ZEB1: variants seen among roughly 807,000 people sequenced by gnomAD.
ZEB1 encodes the protein zinc finger E-box binding homeobox 1.
ZEB1 carries 21 observed loss-of-function variants against 84.9 expected under a neutral mutation model. The ratio of observed to expected loss-of-function variants is 0.25; its 90% CI spans 0.18 to 0.36. The LOEUF is 0.36. ZEB1 is among the 10% of genes least tolerant of loss of function. The probability of loss-of-function intolerance (pLI) is 1.00; values close to 1 mark genes in which losing one functional copy is unlikely to be tolerated. For missense variants in ZEB1, 1,104 were observed against 1,330.2 expected, an observed-to-expected ratio of 0.83 and a Z score of 2.65; for synonymous variants, 420 against 471.1, an observed-to-expected ratio of 0.89 and a Z score of 1.41.
chr10:31,448,205 T>C (rs377283800), intron 1 of ZEB1, among the ~76,000 whole-genome samples: 3,588 of 130,598 alleles, frequency 0.027, 25 homozygotes, highest in African/African-American at 0.058. Context: ...TTGATCGCAT[T>C]GGCTCCTGAG....
At chr10:31,432,907 A>C (rs940001523) in intron 1 of ZEB1, among the ~76,000 whole-genome samples, 1 of 152,222 alleles carries the variant, frequency 6.6e-6, no homozygotes. Context: ...AATAGAAGGC[A>C]GTTGAATTCT....
At chr10:31,408,621 C>A (rs942409535) in intron 1 of ZEB1, among the ~76,000 whole-genome samples, 5 of 144,986 alleles carry the variant, frequency 3.4e-5, no homozygotes, top group Admixed American at 2.0e-4. Flanking sequence ...CTTTGACAAA[C>A]CTGAGAAAAA....
Position 31,376,192 on chromosome 10 carries a change from G to T in ZEB1, c.58+56900G>T, listed in dbSNP as rs1322639566. Among the ~76,000 whole-genome samples, 4 of 151,804 alleles carry T rather than the reference G, an allele frequency of 2.6e-5. No homozygotes were observed. The East Asian group carries it at 7.7e-4, about 29-fold the overall frequency. On this transcript the variant is annotated intron_variant, in intron 1 of 8. Transcript: ENST00000424869. ...AGACTGATGTGATGCCATAGGTCTT[G>T]CAGGGAATGTAGACATTAAGCAAGT...
chr10:31,392,767 A>T (rs2049983189), intron 1 of ZEB1, among the ~76,000 whole-genome samples: 1 of 151,654 alleles, frequency 6.6e-6, no homozygotes, highest in South Asian at 2.1e-4. Flanking sequence ...AACTTGGAAC[A>T]CTACATATAT....
chr10:31,374,453 A>G (rs1241694930), intron 1 of ZEB1, among the ~76,000 whole-genome samples: 1 of 151,822 alleles, frequency 6.6e-6, no homozygotes, highest in Non-Finnish European at 1.5e-5. Flanking sequence ...TCTGTCTACT[A>G]TGTGTCACCC....
intron 1 of ZEB1, among the ~76,000 whole-genome samples, chr10:31,410,654 G>C (rs1472937059): frequency 6.6e-6 from 1 of 152,044 alleles, no homozygotes; most frequent in Non-Finnish European, 1.5e-5. Flanking sequence ...TTGGTTGGTA[G>C]GCTATTAATT....
In ZEB1 at chr10:31,527,100, G is replaced by A. The variant is rs1312091878; in HGVS notation, c.3214G>A (p.Glu1072Lys). The change falls in exon 9 of 9, where the codon GAA becomes AAA. Residue 1072 changes from glutamate (E) to lysine (K), a missense_variant. This residue lies in a region of ZEB1 where 173 missense variants were observed against 167.0 expected (regional missense o/e 1.04). Coordinates refer to ENST00000424869, the MANE Select transcript of ZEB1 (RefSeq NM_001174096.2). ...TGAGGAAGAGGAGGAGGAGGAGGAAGAAGTGGAAGAAGAAGAGGTAGAAGA... is the reference window on the plus strand; with the variant it reads ...TGAGGAAGAGGAGGAGGAGGAGGAAAAAGTGGAAGAAGAAGAGGTAGAAGA... ...GDEEEEEEEEEVEEEEVEEAE... is the reference protein window; with the variant it reads ...GDEEEEEEEEKVEEEEVEEAE... 1.3e-6 allele frequency: 2 copies of A among 1,597,918 alleles called. No individual in the cohort carries two copies. The highest frequency in any genetic ancestry group is 2.3e-5 in the East Asian group (1 of 43,632).
Position 31,520,592 on chromosome 10 carries a change from G to A in ZEB1, c.1260G>A (p.Ala420=), listed in dbSNP as rs35238902. The change falls in exon 7 of 9, where the codon GCG becomes GCA. Residue 420 remains alanine, a synonymous_variant. Coordinates refer to ENST00000424869, the MANE Select transcript of ZEB1 (RefSeq NM_001174096.2). This position sits in a 1 kb window ranked among gnomAD's most constrained non-coding sequence, Gnocchi z 5.1. The part of the protein sequence containing the change: ...LSDIQNVLKV[A]VDGNVIRQVL... ...ATATTCAGAATGTACTTAAAGTGGC[G>A]GTAGATGGTAATGTAATAAGGCAAG... 3.3e-3 allele frequency: 5,268 copies of A among 1,613,882 alleles called. 128 individuals are homozygous for A. In the African/African-American group the frequency reaches 0.059, roughly 18 times the overall value.
At chr10:31,359,018 C>G (rs937349014) in intron 1 of ZEB1, among the ~76,000 whole-genome samples, 8 of 151,562 alleles carry the variant, frequency 5.3e-5, no homozygotes, top group African/African-American at 1.7e-4. Flanking sequence ...AACTGGTCTT[C>G]TTGTGTCGTT....
At chr10:31,455,953 C>T (rs920932484) in intron 1 of ZEB1, among the ~76,000 whole-genome samples, 3 of 152,184 alleles carry the variant, frequency 2.0e-5, no homozygotes, top group African/African-American at 7.2e-5. Context: ...AAGACACATG[C>T]ACACGTATGT....
rs144924759 is a variant in ZEB1, at chr10:31,367,364, A to G, written c.58+48072A>G. On this transcript the variant is annotated intron_variant, in intron 1 of 8. Transcript: ENST00000424869. ...CTGGGAGTGTGGCCTAGGACTCTAC[A>G]CTTTTACTAACAATCAGTTGAGATG... 4.7e-4 allele frequency among the ~76,000 whole-genome samples: 71 copies of G among 152,244 alleles called. No homozygotes were observed. In the East Asian group the frequency reaches 0.012, roughly 26 times the overall value.
intron 1 of ZEB1, among the ~76,000 whole-genome samples, chr10:31,378,664 C>T (rs1005459945): frequency 6.6e-6 from 1 of 151,652 alleles, no homozygotes; most frequent in Non-Finnish European, 1.5e-5. Context: ...TTGCTTACTG[C>T]GGTGTATTGG....
chr10:31,354,514 C>A (rs1564560661), intron 1 of ZEB1, among the ~76,000 whole-genome samples: 1 of 152,070 alleles, frequency 6.6e-6, no homozygotes, highest in Non-Finnish European at 1.5e-5. Flanking sequence ...TTCCTTTGGG[C>A]CATAGGCACT....
In ZEB1 at chr10:31,360,927, A is replaced by T. The variant is rs766748813; in HGVS notation, c.58+41635A>T. The T allele has an allele frequency of 1.0e-4, 157 of 1,561,958 alleles. 1 individual carries two copies. Among genetic ancestry groups the T allele is most frequent in the Middle Eastern group, 9.2e-4 (4 of 4,370 alleles). ...CAGTACTGCATGGATGCTCTAATAA[A>T]TTGCATGTCTGGAGGAAGCAGCTAA... On this transcript the variant is annotated intron_variant, in intron 1 of 8. Transcript: ENST00000424869.
rs2072178399 is a variant in ZEB1 at position 31,520,884 on chromosome 10, GAGA to G, written c.1555_1557del (p.Lys519del). Reference sequence around the variant, plus strand: ...ACCAGAAGATCTTACTGTTAAGTCTGAGAAGGACAAAAGCTTTGAAGGGGGGGT... The same window carrying G: ...ACCAGAAGATCTTACTGTTAAGTCTGAGGACAAAAGCTTTGAAGGGGGGGT... On this transcript the variant is annotated inframe_deletion, in exon 7 of 9. Coordinates refer to ENST00000424869, the MANE Select transcript of ZEB1 (RefSeq NM_001174096.2). The surrounding 1 kb of genome is among the most constrained non-coding windows in gnomAD (Gnocchi z 5.1). The G allele has an allele frequency of 4.3e-6, 7 of 1,614,098 alleles. No homozygotes were observed. The highest frequency in any genetic ancestry group is 5.9e-6 in the Non-Finnish European group (7 of 1,180,006).
chr10:31,361,264 C>T, intron 1 of ZEB1: 3 of 1,556,456 alleles, frequency 1.9e-6, no homozygotes, highest in African/African-American at 2.7e-5. Context: ...GCGATCTCGG[C>T]TCACTGCAAC....
chr10:31,438,981 A>G (rs1032551620), intron 1 of ZEB1, among the ~76,000 whole-genome samples: 9 of 152,222 alleles, frequency 5.9e-5, no homozygotes, highest in African/African-American at 1.9e-4. Flanking sequence ...GCTGAAAATT[A>G]TTTGGCTTTT....
chr10:31,485,349 C>T lies in ZEB1; in HGVS notation c.260-10427C>T, dbSNP rs200082982. ...GTCGTATACATGTGGAAACTAAGGA[C>T]TAACTGAGTTGTATCACTCCCCAAA... is the stretch of plus-strand genomic sequence containing the variant. On this transcript the variant is annotated intron_variant, in intron 2 of 8. Coordinates refer to ENST00000424869, the MANE Select transcript of ZEB1 (RefSeq NM_001174096.2). Among the ~76,000 whole-genome samples the T allele has an allele frequency of 6.6e-5, 10 of 151,952 alleles. No homozygotes were observed. The East Asian group carries it at 1.7e-3, about 27-fold the overall frequency.
At chr10:31,448,482 A>C in intron 1 of ZEB1, among the ~76,000 whole-genome samples, 1 of 148,600 alleles carries the variant, frequency 6.7e-6, no homozygotes, top group African/African-American at 2.6e-5. Context: ...GGAGGAGGAG[A>C]GGCACTCTGC....
Sources: allele counts gnomAD v4.1 joint callset (sites outside exome capture counted in the v4.1 genomes callset), GRCh38; gene constraint gnomAD v4.1.1; regional missense constraint gnomAD v4.1.1; non-coding constraint Gnocchi (gnomAD v3.1); transcripts MANE v1.5; gene names NCBI Gene and HGNC (gene_info 2026-07-23, HGNC 2026-07-21).